CENPF: variants seen among roughly 807,000 people sequenced by gnomAD.
CENPF encodes the protein centromere protein F.
Under a neutral mutation model 307.3 loss-of-function variants are expected in CENPF, and 214 were observed. That is an observed-to-expected ratio of 0.70 (90% CI 0.62 to 0.78). The LOEUF is 0.78. Ranked by LOEUF, CENPF falls within the 30% of genes least tolerant of loss-of-function variation. CENPF has a pLI of 0.00. For missense variants in CENPF, 3,401 were observed against 3,483.9 expected, an observed-to-expected ratio of 0.98 and a Z score of 0.60; for synonymous variants, 1,259 against 1,270.6, an observed-to-expected ratio of 0.99 and a Z score of 0.19.
rs1039871297 is a variant in CENPF, at chr1:214,655,387, G to A, written c.8469G>A (p.Gln2823=). ...AACTCTCTCAACTTCAAGCTGCACA[G>A]GAGAAGCAGAAAACAGGTGGGTGTT... is the stretch of plus-strand genomic sequence containing the variant. ...QKELSQLQAA[Q]EKQKTGTVMD... Residue 2823 remains glutamine (Q), a synonymous_variant, in exon 17 of 20, where the codon CAG becomes CAA. Coordinates refer to ENST00000366955, the MANE Select transcript of CENPF (RefSeq NM_016343.4). The A allele has an allele frequency of 1.9e-6, 3 of 1,595,932 alleles. No individual in the cohort carries two copies. The highest frequency in any genetic ancestry group is 2.6e-6 in the Non-Finnish European group (3 of 1,173,514).
chr1:214,657,118 CAGCAATCTAAACAAGATT>C lies in CENPF; in HGVS notation c.8672_8689del (p.Gln2891_Ser2897delinsPro). 2 of 1,614,218 alleles carry C rather than the reference CAGCAATCTAAACAAGATT, an allele frequency of 1.2e-6. No individual in the cohort carries two copies. The highest frequency in any genetic ancestry group is 1.7e-6 in the Non-Finnish European group (2 of 1,180,032). ...GACACAAGTGGCCCATCTGTGTTCACAGCAATCTAAACAAGATTCCCGAGGGTCTCCTTTGCTAGGTCC... is the reference window on the plus strand; with the variant it reads ...GACACAAGTGGCCCATCTGTGTTCACCCCGAGGGTCTCCTTTGCTAGGTCC... On this transcript the variant is annotated inframe_deletion, in exon 18 of 20. Transcript: ENST00000366955.
At position 214,652,258 on chromosome 1, in the gene CENPF, A is replaced by C. The variant is rs537458167; in HGVS notation, c.8160+372A>C. On this transcript the variant is annotated intron_variant, in intron 15 of 19. Coordinates refer to ENST00000366955, the MANE Select transcript of CENPF (RefSeq NM_016343.4). ...CACTGTGTTAGCCAGGATGGTCTCGATCTCCTGATCTTGTGATCTGCCCAC... is the reference window on the plus strand; with the variant it reads ...CACTGTGTTAGCCAGGATGGTCTCGCTCTCCTGATCTTGTGATCTGCCCAC... 1.1e-4 allele frequency among the ~76,000 whole-genome samples: 17 copies of C among 150,916 alleles called. No homozygotes were observed. In the East Asian group the frequency reaches 1.2e-3, roughly 11 times the overall value.
intron 1 of CENPF, chr1:214,608,787 G>A (rs933266068): frequency 3.7e-6 from 6 of 1,600,032 alleles, no homozygotes; most frequent in African/African-American, 1.3e-5. Flanking sequence ...TGCGGCCGGG[G>A]CAGGGCGGGC....
chr1:214,610,653 A>T (rs758831045), intron 1 of CENPF, among the ~76,000 whole-genome samples: 1 of 151,598 alleles, frequency 6.6e-6, no homozygotes, highest in Non-Finnish European at 1.5e-5. Flanking sequence ...TACTCTGTTG[A>T]GTTTCTTTTG....
intron 7 of CENPF, among the ~76,000 whole-genome samples, chr1:214,627,369 C>CTTT (rs10686407): frequency 0.015 from 1,228 of 83,846 alleles, 59 homozygotes; most frequent in African/African-American, 0.039. Context: ...CCCTCAGGCT[C>CTTT]TTTTTTTTTT....
Position 214,619,163 on chromosome 1 carries a change from T to C in CENPF, c.516T>C (p.Asn172=), listed in dbSNP as rs144898977. 51 of 1,580,246 alleles carry C rather than the reference T, an allele frequency of 3.2e-5. No individual in the cohort carries two copies. The African/African-American group carries it at 6.1e-4, about 19-fold the overall frequency. ...SKYEDLKEKY[N]KEVEERKRLE... ...ATGAAGATCTAAAAGAAAAATATAATAAAGAGGTTGAAGAACGAAAAAGAT... is the reference window on the plus strand; with the variant it reads ...ATGAAGATCTAAAAGAAAAATATAACAAAGAGGTTGAAGAACGAAAAAGAT... The change falls in exon 5 of 20, where the codon AAT becomes AAC. Residue 172 remains asparagine, a synonymous_variant. Transcript: ENST00000366955.
chr1:214,626,551 C>T lies in CENPF; in HGVS notation c.1069-2495C>T, dbSNP rs148625402. On this transcript the variant is annotated intron_variant, in intron 7 of 19. Transcript: ENST00000366955. ...TCCTTTGATCCATGCATTTAATATC[C>T]TCATGCAGTCTCACTACGTAATAGT... Among the ~76,000 whole-genome samples the T allele has an allele frequency of 1.4e-3, 211 of 152,234 alleles. 2 individuals carry two copies. Among genetic ancestry groups the T allele is most frequent in the African/African-American group, 4.9e-3 (204 of 41,532 alleles).
In CENPF at chr1:214,647,253, G is replaced by C. The variant is rs544453208; in HGVS notation, c.7683G>C (p.Leu2561=). 1.9e-6 allele frequency: 3 copies of C among 1,614,084 alleles called. No individual in the cohort carries two copies. In the South Asian group the frequency reaches 3.3e-5, roughly 18 times the overall value. Residue 2561 remains leucine, a synonymous_variant, in exon 13 of 20, where the codon CTG becomes CTC. Transcript: ENST00000366955. Reference sequence around the variant, plus strand: ...AGCAAAACTTAGAACTGAGAAATCTGACAGTGGAATTGGAGCAGAAGATCC... The same window carrying C: ...AGCAAAACTTAGAACTGAGAAATCTCACAGTGGAATTGGAGCAGAAGATCC... ...WKEQNLELRN[L]TVELEQKIQV... is the part of the protein sequence containing the mutation.
rs1437048844 is a variant in CENPF, at chr1:214,652,279, C to CAG, written c.8160+393_8160+394insAG. ...CTCGATCTCCTGATCTTGTGATCTG[C>CAG]CCACCTTGGCCTCCCAAAGTGCTGG... On this transcript the variant is annotated intron_variant, in intron 15 of 19. Coordinates refer to ENST00000366955, the MANE Select transcript of CENPF (RefSeq NM_016343.4). Among the ~76,000 whole-genome samples, 93 of 151,770 alleles carry CAG rather than the reference C, an allele frequency of 6.1e-4. 1 individual carries two copies. Among genetic ancestry groups the CAG allele is most frequent in the Admixed American group, 6.6e-4 (10 of 15,242 alleles).
intron 10 of CENPF, among the ~76,000 whole-genome samples, chr1:214,634,146 G>T (rs1416773355): frequency 5.3e-5 from 8 of 152,242 alleles, no homozygotes; most frequent in Non-Finnish European, 8.8e-5. Context: ...GTACTGAGGT[G>T]CATGCATCAC....
At chr1:214,612,399 C>A (rs998340352) in intron 1 of CENPF, among the ~76,000 whole-genome samples, 1 of 152,112 alleles carries the variant, frequency 6.6e-6, no homozygotes, top group Non-Finnish European at 1.5e-5. Context: ...AATTTTGCAT[C>A]GTTGATCAAG....
In CENPF at chr1:214,620,757, A is replaced by G. The variant is rs1657482165; in HGVS notation, c.676A>G (p.Ser226Gly). 3 of 1,614,036 alleles carry G rather than the reference A, an allele frequency of 1.9e-6. No individual in the cohort carries two copies. The highest frequency in any genetic ancestry group is 2.5e-6 in the Non-Finnish European group (3 of 1,180,022). ...VFSWQQEKTP[S>G]HLSSNSQRTP... The stretch of plus-strand genomic sequence containing the variant: ...CTCATGGCAGCAAGAGAAGACCCCA[A>G]GTCATCTTTCATCTAATTCTCAAAG... The change falls in exon 6 of 20, where the codon AGT becomes GGT. Residue 226 changes from serine to glycine, a missense_variant. Ser to Gly is a moderately conservative substitution (Grantham distance 56). Transcript: ENST00000366955.
Position 214,640,355 on chromosome 1 carries a change from G to A in CENPF, c.2017G>A (p.Glu673Lys). ...ERVRTLEMDR[E>K]NLSVEIRNLH... ...AGTAAGAACGCTGGAGATGGACAGA[G>A]AAAACCTAAGTGTCGAGATCAGAAA... Residue 673 changes from glutamate (E) to lysine (K), a missense_variant, in exon 12 of 20, where the codon GAA (glutamate) becomes AAA (lysine). Coordinates refer to ENST00000366955, the MANE Select transcript of CENPF (RefSeq NM_016343.4). The A allele has an allele frequency of 6.2e-7, 1 of 1,613,954 alleles. No homozygotes were observed. The highest frequency in any genetic ancestry group is 8.5e-7 in the Non-Finnish European group (1 of 1,179,990).
intron 1 of CENPF, chr1:214,608,806 A>G: frequency 1.3e-6 from 2 of 1,599,352 alleles, no homozygotes; most frequent in Admixed American, 3.4e-5. Flanking sequence ...GCAGCAGAAG[A>G]GGCAGCAGAG....
At chr1:214,608,504 T>C in intron 1 of CENPF, 3 of 1,612,260 alleles carry the variant, frequency 1.9e-6, no homozygotes, top group East Asian at 4.5e-5. Context: ...AAGAGGACCG[T>C]GTACCTGGCA....
intron 14 of CENPF, among the ~76,000 whole-genome samples, 190 bp downstream of exon 14, chr1:214,649,017 G>C (rs1658391886): frequency 6.6e-6 from 1 of 152,150 alleles, no homozygotes; most frequent in Non-Finnish European, 1.5e-5. Flanking sequence ...GAGCCCACAA[G>C]GAGTCGTGAG....
At chr1:214,656,310 C>T (rs759627846) in intron 17 of CENPF, among the ~76,000 whole-genome samples, 12 of 152,152 alleles carry the variant, frequency 7.9e-5, no homozygotes, top group Non-Finnish European at 1.6e-4. Flanking sequence ...GGTCAACAGT[C>T]TTCCCTGTTG....
In CENPF at chr1:214,632,611, G is replaced by A; in HGVS notation, c.1446+9G>A. On this transcript the variant is annotated intron_variant, in intron 10 of 19. Coordinates refer to ENST00000366955, the MANE Select transcript of CENPF (RefSeq NM_016343.4). ...TGAGGAGAAGCATGGAGGTAAGGGA[G>A]GAGGATGCCGAATTTTCTCCACTTA... is the stretch of plus-strand genomic sequence containing the variant. 1.2e-6 allele frequency: 2 copies of A among 1,611,342 alleles called. No homozygotes were observed. Among genetic ancestry groups the A allele is most frequent in the Middle Eastern group, 1.7e-4 (1 of 6,046 alleles).
At chr1:214,615,408 T>C (rs1571695943) in intron 3 of CENPF, among the ~76,000 whole-genome samples, 2 of 152,182 alleles carry the variant, frequency 1.3e-5, no homozygotes, top group East Asian at 3.9e-4. Flanking sequence ...CATAGCATTA[T>C]TTGATAGTAT....
Sources: gnomAD v4.1 joint callset for allele counts (sites outside exome capture counted in the v4.1 genomes callset) on GRCh38, gnomAD v4.1.1 for gene constraint, MANE v1.5 for transcripts, NCBI Gene and HGNC (gene_info 2026-07-23, HGNC 2026-07-21) for gene names.